Variants in PBRM1 observed in about 807,000 individuals in gnomAD.
PBRM1 encodes the protein polybromo 1.
A neutral mutation model predicts 194.5 loss-of-function variants in PBRM1; 27 were observed. That is an observed-to-expected ratio of 0.14 (90% confidence interval 0.10 to 0.19). The LOEUF is 0.19. Ranked by LOEUF, PBRM1 falls within the 10% of genes least tolerant of loss-of-function variation. The pLI, the probability that PBRM1 is intolerant of heterozygous loss-of-function variation, is 1.00. For synonymous variants in PBRM1, 655 were observed against 693.2 expected, an observed-to-expected ratio of 0.94 and a Z score of 0.87; for missense variants, 1,466 against 2,077.2, an observed-to-expected ratio of 0.71 and a Z score of 5.72.
upstream of PBRM1, chr3:52,681,848 G>T (rs1002793926): frequency 3.7e-5 from 11 of 298,080 alleles, no homozygotes; most frequent in Non-Finnish European, 5.7e-5. Flanking sequence ...GGCAGAGAAG[G>T]GGGAAATAGA....
intron 3 of PBRM1, among the ~76,000 whole-genome samples, chr3:52,666,746 GC>G (rs1269850438): frequency 1.3e-5 from 2 of 151,650 alleles, no homozygotes; most frequent in Non-Finnish European, 2.9e-5. Flanking sequence ...CAAAAAATTA[GC>G]CATGTGTGAT....
intron 13 of PBRM1, among the ~76,000 whole-genome samples, chr3:52,625,674 A>C (rs1355964000): frequency 2.6e-5 from 4 of 151,676 alleles, no homozygotes; most frequent in African/African-American, 9.7e-5. Context: ...TCCCAGGTTC[A>C]AGCGATTCTC....
At chr3:52,557,591 C>T (rs1215571753) in intron 26 of PBRM1, among the ~76,000 whole-genome samples, 1 of 151,372 alleles carries the variant, frequency 6.6e-6, no homozygotes, top group Non-Finnish European at 1.5e-5. Flanking sequence ...ACAACACACA[C>T]AGACAAACCA....
chr3:52,685,858 G>A, upstream of PBRM1: 1 of 504,570 alleles, frequency 2.0e-6, no homozygotes, highest in Non-Finnish European at 3.5e-6. Flanking sequence ...CGCTGCCGTC[G>A]CTTCGGCACC....
intron 29 of PBRM1, among the ~76,000 whole-genome samples, chr3:52,549,904 A>C (rs1275035065): frequency 6.7e-6 from 1 of 148,306 alleles, no homozygotes; most frequent in Non-Finnish European, 1.5e-5. Context: ...GACTGTCTCA[A>C]AAAAAAAAAA....
At chr3:52,586,890 T>C (rs2092471543) in intron 19 of PBRM1, among the ~76,000 whole-genome samples, 1 of 152,110 alleles carries the variant, frequency 6.6e-6, no homozygotes, top group Admixed American at 6.6e-5. Context: ...ACTTATTATA[T>C]ACACACCCTT....
chr3:52,662,260 T>C (rs2153929258), exon 4 of PBRM1: 1 of 1,612,276 alleles, frequency 6.2e-7, no homozygotes, highest in Non-Finnish European at 8.5e-7. Context: ...AGCGGCTTTA[T>C]ATTCAGGAGA....
chr3:52,617,614 A>C, intron 13 of PBRM1, 76 bp from the exon 16 acceptor site: 1 of 1,022,660 alleles, frequency 9.8e-7, no homozygotes, highest in Non-Finnish European at 1.4e-6. Context: ...ACCACAAAAT[A>C]AAACAAATTA....
At chr3:52,681,534 G>A (rs1188856051), upstream of PBRM1, among the ~76,000 whole-genome samples, 1 of 152,116 alleles carries the variant, frequency 6.6e-6, no homozygotes, top group African/African-American at 2.4e-5. Flanking sequence ...ATAAATTAAG[G>A]ACCAATCCCT....
At chr3:52,612,775 G>A (rs1016722653) in intron 15 of PBRM1, among the ~76,000 whole-genome samples, 2 of 151,956 alleles carry the variant, frequency 1.3e-5, no homozygotes, top group Non-Finnish European at 2.9e-5. Context: ...GCATGGTGGC[G>A]TGTCCCTGTA....
upstream of PBRM1, among the ~76,000 whole-genome samples, chr3:52,682,490 G>A (rs948949905): frequency 2.6e-5 from 4 of 151,934 alleles, no homozygotes; most frequent in Admixed American, 6.6e-5. Context: ...TATGTCGTTC[G>A]GATGACACAA....
chr3:52,677,178 G>C (rs932476105), intron 2 of PBRM1, among the ~76,000 whole-genome samples: 4 of 152,172 alleles, frequency 2.6e-5, no homozygotes, highest in African/African-American at 9.7e-5. Context: ...CAAAGGCACA[G>C]GCAACAAGAG....
intron 22 of PBRM1, among the ~76,000 whole-genome samples, chr3:52,571,854 CCCAAAAAAAAAAAAAAA>C (rs1433241085): frequency 1.1e-4 from 4 of 36,682 alleles, no homozygotes; most frequent in African/African-American, 1.7e-4. Context: ...ACCTCATCTC[CCCAAAAAAAAAAAAAAA>C]AAAAAAAAAA....
intron 22 of PBRM1, among the ~76,000 whole-genome samples, chr3:52,572,148 CT>C (rs1263091478): frequency 6.8e-6 from 1 of 148,086 alleles, no homozygotes; most frequent in Non-Finnish European, 1.5e-5. Flanking sequence ...AAAAAAGGCC[CT>C]TTTGTTTTTC....
At chr3:52,663,330 G>A (rs1374993927) in intron 3 of PBRM1, among the ~76,000 whole-genome samples, 4 of 152,176 alleles carry the variant, frequency 2.6e-5, no homozygotes, top group Non-Finnish European at 5.9e-5. Flanking sequence ...CCATTAGTGG[G>A]AACTCAAATC....
At chr3:52,627,672 T>C (rs2095488630) in intron 12 of PBRM1, among the ~76,000 whole-genome samples, 1 of 152,216 alleles carries the variant, frequency 6.6e-6, no homozygotes. Flanking sequence ...AGCATCCTGC[T>C]CTGGTTGTCC....
At chr3:52,629,058 T>G in intron 11 of PBRM1, 23 bp from the exon 13 acceptor site, 1 of 1,561,326 alleles carries the variant, frequency 6.4e-7, no homozygotes. Context: ...AAGAAATTGC[T>G]AGAATTTTCT....
At chr3:52,618,157 CTT>C (rs1048459892) in intron 13 of PBRM1, among the ~76,000 whole-genome samples, 3 of 152,204 alleles carry the variant, frequency 2.0e-5, no homozygotes, top group Non-Finnish European at 4.4e-5. Flanking sequence ...TTCCAACCTA[CTT>C]TAAAGAATAA....
At chr3:52,684,766 G>A (rs2097283287) in intron 1 of PBRM1, 1 of 152,104 alleles carries the variant, frequency 6.6e-6, no homozygotes, top group Non-Finnish European at 1.5e-5. Flanking sequence ...AACATTTGAG[G>A]TATTTTGTAC....
Sources: allele counts gnomAD v4.1 joint callset (sites outside exome capture counted in the v4.1 genomes callset), GRCh38; gene constraint gnomAD v4.1.1; transcripts MANE v1.5; gene names NCBI Gene and HGNC (gene_info 2026-07-23, HGNC 2026-07-21).